The following MYO15A variants were observed in gnomAD, a reference collection of about 807,000 sequenced individuals.
MYO15A encodes unconventional myosin-XV.
Under a neutral mutation model 394.6 loss-of-function variants are expected in MYO15A, and 308 were observed. The observed-to-expected ratio is 0.78, with a 90% CI of 0.71 to 0.86. The LOEUF is 0.86. MYO15A is among the 40% of genes least tolerant of loss of function. The probability of loss-of-function intolerance (pLI) is 0.00; values close to 1 mark genes in which losing one functional copy is unlikely to be tolerated. For missense variants in MYO15A, 4,606 were observed against 4,799.1 expected (o/e 0.96, Z 1.19); for synonymous variants, 1,957 against 2,003.8 (o/e 0.98, Z 0.62).
At chr17:18,167,464 T>C in intron 61 of MYO15A, 126 bp from the exon 62 acceptor site, 15 of 1,464,680 alleles carry the variant, frequency 1.0e-5, no homozygotes, top group Admixed American at 1.7e-5. Flanking sequence ...AGGAAAGTAA[T>C]AGGCCATCCT....
In MYO15A at chr17:18,150,134, C is replaced by T. The variant is rs1432765291; in HGVS notation, c.7213-295C>T. ...TCACTCTGGAAACTCCAGAACCCAC[C>T]CCACCCCCACTGCCCCTGGCATGAT... is the stretch of plus-strand genomic sequence containing the variant. On this transcript the variant is annotated intron_variant, in intron 35 of 65. Coordinates refer to ENST00000647165, the MANE Select transcript of MYO15A (RefSeq NM_016239.4). The surrounding 1 kb of genome is among the most constrained non-coding windows in gnomAD (Gnocchi z 4.4). Among the ~76,000 whole-genome samples, 1 of 152,058 alleles carries T rather than the reference C, an allele frequency of 6.6e-6. No homozygotes were observed. The highest frequency in any genetic ancestry group is 2.4e-5 in the African/African-American group (1 of 41,402).
chr17:18,126,312 G>T (rs867253269), intron 4 of MYO15A, 35 bp from the exon 5 acceptor site: 5 of 1,569,710 alleles, frequency 3.2e-6, no homozygotes, highest in Middle Eastern at 3.4e-4. Context: ...GGTCTGCAAG[G>T]AGCCACGACG....
At chr17:18,155,077 G>A (rs2046652243) in intron 45 of MYO15A, 33 bp from the exon 46 acceptor site, 1 of 1,593,790 alleles carries the variant, frequency 6.3e-7, no homozygotes, top group African/African-American at 1.3e-5. Flanking sequence ...GGGGAGTGGG[G>A]AGAGGGTCCT....
intron 61 of MYO15A, among the ~76,000 whole-genome samples, chr17:18,167,125 G>A (rs2046866126): frequency 6.6e-6 from 1 of 152,242 alleles, no homozygotes. Context: ...GCCCTGTGCA[G>A]TCCAGCACCA....
chr17:18,124,209 C>T (rs953611716), intron 2 of MYO15A: 2 of 513,124 alleles, frequency 3.9e-6, no homozygotes, highest in South Asian at 2.0e-5. Flanking sequence ...CATGTACCTG[C>T]ATATGCCTTT....
intron 22 of MYO15A, 38 bp downstream of exon 22, chr17:18,141,181 C>A (rs1349213618): frequency 1.2e-6 from 2 of 1,611,534 alleles, no homozygotes; most frequent in Non-Finnish European, 1.7e-6. Context: ...TCTACAAATC[C>A]CTGCCCAACT....
intron 4 of MYO15A, 117 bp downstream of exon 4, chr17:18,125,348 G>C: frequency 1.0e-6 from 1 of 991,722 alleles, no homozygotes; most frequent in African/African-American, 1.6e-5. Context: ...CCTCTGCCTA[G>C]AATGCCAGAG....
intron 5 of MYO15A, 98 bp downstream of exon 5, chr17:18,126,554 G>A: frequency 1.6e-6 from 2 of 1,244,364 alleles, no homozygotes; most frequent in Admixed American, 2.0e-5. Context: ...ATGAGTCAGA[G>A]GTAATGGGGA....
chr17:18,121,187 C>A lies in MYO15A; in HGVS notation c.2387C>A (p.Ser796Ter), dbSNP rs2045920257. The change falls in exon 2 of 66, where the codon TCG (serine) becomes TAG (stop). Residue 796 changes from serine (S) to a stop codon, truncating the protein, a stop_gained. Coordinates refer to ENST00000647165, the MANE Select transcript of MYO15A (RefSeq NM_016239.4). LOFTEE classifies it high-confidence loss of function. The surrounding 1 kb of genome is among the most constrained non-coding windows in gnomAD (Gnocchi z 5.3). The stretch of plus-strand genomic sequence containing the variant: ...TACTGCTCACCCTTGGCGCCCCCGT[C>A]GCCTCAGCTGTCCTTGCGCACGGGC... ...LGYCSPLAPP[S>*]PQLSLRTGPF... The A allele has an allele frequency of 1.3e-6, 2 of 1,510,576 alleles. No individual in the cohort carries two copies. Among genetic ancestry groups the A allele is most frequent in the Non-Finnish European group, 8.8e-7 (1 of 1,136,440 alleles). The allele number at this position is 1,510,576 out of a possible 1,614,324, so 93.6% of individuals were successfully genotyped here.
At chr17:18,174,068 GATC>G (rs2046980600) in intron 65 of MYO15A, 147 bp downstream of exon 65, 1 of 1,197,628 alleles carries the variant, frequency 8.3e-7, no homozygotes, top group African/African-American at 1.5e-5. Flanking sequence ...CGGAACTGCA[GATC>G]ATTATGGGTG....
chr17:18,176,443 A>G (rs1219371528), intron 65 of MYO15A: 1 of 151,488 alleles, frequency 6.6e-6, no homozygotes, highest in Non-Finnish European at 1.5e-5. Flanking sequence ...TAACCAAGCC[A>G]TTCATGAGGG....
At chr17:18,135,542 T>C (rs2046249680) in intron 12 of MYO15A, among the ~76,000 whole-genome samples, 169 bp from the exon 13 acceptor site, 2 of 151,990 alleles carry the variant, frequency 1.3e-5, no homozygotes, top group Admixed American at 1.3e-4. Flanking sequence ...GGTTTCTCCA[T>C]GTTGGTCAGG....
intron 53 of MYO15A, 29 bp from the exon 54 acceptor site, chr17:18,159,246 C>T: frequency 6.2e-7 from 1 of 1,611,508 alleles, no homozygotes; most frequent in Non-Finnish European, 8.5e-7. Context: ...GTCCCTCCTC[C>T]ATCATGACAC....
chr17:18,154,120 C>CG lies in MYO15A; in HGVS notation c.8089-10dup. 2 of 1,613,918 alleles carry CG rather than the reference C, an allele frequency of 1.2e-6. No homozygotes were observed. The highest frequency in any genetic ancestry group is 8.5e-7 in the Non-Finnish European group (1 of 1,180,030). ...AGTCGGACAGTACCCACTGAAGCCC[C>CG]GCCCCTGCAGGTGTTTTACCCCAAG... On this transcript the variant is annotated splice_polypyrimidine_tract_variant and intron_variant, in intron 43 of 65. Transcript: ENST00000647165.
chr17:18,112,858 T>C (rs2045738897), intron 1 of MYO15A, among the ~76,000 whole-genome samples: 1 of 148,826 alleles, frequency 6.7e-6, no homozygotes, highest in Admixed American at 6.6e-5. Flanking sequence ...TTATTATTAT[T>C]TTTTTTTGAA....
chr17:18,128,164 C>T (rs1222911490), intron 7 of MYO15A, among the ~76,000 whole-genome samples: 5 of 152,020 alleles, frequency 3.3e-5, no homozygotes, highest in Admixed American at 3.3e-4. Flanking sequence ...CGGAGGGTGA[C>T]CCCAGACATT....
At position 18,171,657 on chromosome 17, in the gene MYO15A, A is replaced by G; in HGVS notation, c.10102A>G (p.Ile3368Val). Residue 3368 changes from isoleucine to valine, a missense_variant, in exon 63 of 66, where the codon ATC (isoleucine) becomes GTC (valine). By Grantham distance (29) the Ile-to-Val change is conservative (BLOSUM62 3). This residue lies in a region of MYO15A where 2,776 missense variants were observed against 3,109.3 expected (regional missense o/e 0.89). Coordinates refer to ENST00000647165, the MANE Select transcript of MYO15A (RefSeq NM_016239.4). Reference protein sequence around the residue: ...LPSVREVQEYIPAQLYRTTAG... With the variant: ...LPSVREVQEYVPAQLYRTTAG... Reference sequence around the variant, plus strand: ...ACACAGGCGGGAAGTCCAGGAGTACATCCCAGCCCAGCTCTACCGTACAAC... The same window carrying G: ...ACACAGGCGGGAAGTCCAGGAGTACGTCCCAGCCCAGCTCTACCGTACAAC... The G allele has an allele frequency of 1.2e-6, 2 of 1,613,878 alleles. No individual in the cohort carries two copies. Among genetic ancestry groups the G allele is most frequent in the South Asian group, 1.1e-5 (1 of 91,086 alleles).
chr17:18,118,726 G>A lies in MYO15A; in HGVS notation c.-75G>A. ...CGTGTCCAGCCGCGGGCAAGAGACAGAGCAGGTCCCTGTGTCTCCAAGTCC... is the reference window on the plus strand; with the variant it reads ...CGTGTCCAGCCGCGGGCAAGAGACAAAGCAGGTCCCTGTGTCTCCAAGTCC... On this transcript the variant is annotated 5_prime_UTR_variant, in exon 2 of 66. Coordinates refer to ENST00000647165, the MANE Select transcript of MYO15A (RefSeq NM_016239.4). 1.2e-6 allele frequency: 2 copies of A among 1,601,558 alleles called. No homozygotes were observed. Among genetic ancestry groups the A allele is most frequent in the Non-Finnish European group, 1.7e-6 (2 of 1,175,736 alleles).
At position 18,119,015 on chromosome 17, in the gene MYO15A, G is replaced by A. The variant is rs759523877; in HGVS notation, c.215G>A (p.Arg72His). The change falls in exon 2 of 66, where the codon CGC becomes CAC. Residue 72 changes from arginine to histidine, a missense_variant. Physicochemically the swap from Arg to His is conservative, Grantham distance 29. Transcript: ENST00000647165. ...CACACCGGCCCCCAGAAGACCAAGCGCAAGAGGAAGGCCCGCACCGTGCTC... is the reference window on the plus strand; with the variant it reads ...CACACCGGCCCCCAGAAGACCAAGCACAAGAGGAAGGCCCGCACCGTGCTC... ...GLHTGPQKTK[R>H]KRKARTVLKS... 1.1e-5 allele frequency: 17 copies of A among 1,612,530 alleles called. No homozygotes were observed. The Admixed American group carries it at 2.5e-4, about 24-fold the overall frequency.
Sources: gnomAD v4.1 joint callset for allele counts (sites outside exome capture counted in the v4.1 genomes callset) on GRCh38, gnomAD v4.1.1 for gene constraint, gnomAD v4.1.1 regional missense constraint, Gnocchi (gnomAD v3.1) non-coding constraint, MANE v1.5 for transcripts, NCBI Gene and HGNC (gene_info 2026-07-23, HGNC 2026-07-21) for gene names.